Variants in PXDNL observed in about 807,000 individuals in gnomAD.
PXDNL encodes the protein peroxidasin like.
Under a neutral mutation model 150.8 loss-of-function variants are expected in PXDNL, and 145 were observed. The ratio of observed to expected loss-of-function variants is 0.96; its 90% CI spans 0.84 to 1.10. The LOEUF is 1.10. Ranked by LOEUF, PXDNL falls within the 50% of genes least tolerant of loss-of-function variation. PXDNL has a pLI of 0.00. For missense variants in PXDNL, 2,087 were observed against 1,873.9 expected (o/e 1.11, Z -2.10); for synonymous variants, 757 against 725.7 (o/e 1.04, Z -0.69).
chr8:51,358,730 C>T (rs946709688), intron 19 of PXDNL, among the ~76,000 whole-genome samples: 9 of 152,130 alleles, frequency 5.9e-5, no homozygotes, highest in Non-Finnish European at 1.2e-4. Flanking sequence ...AAGATGAGCA[C>T]CCCAAAGATG....
chr8:51,669,486 A>G (rs1585662129), intron 1 of PXDNL, among the ~76,000 whole-genome samples: 1 of 151,496 alleles, frequency 6.6e-6, no homozygotes, highest in South Asian at 2.1e-4. Context: ...AACATTTCCA[A>G]CCTCCCAGCC....
At chr8:51,532,960 G>T (rs561102864) in intron 4 of PXDNL, among the ~76,000 whole-genome samples, 32 of 151,634 alleles carry the variant, frequency 2.1e-4, no homozygotes, top group Non-Finnish European at 4.1e-4. Flanking sequence ...GAAATTGAAT[G>T]CAATTCTAAT....
intron 4 of PXDNL, among the ~76,000 whole-genome samples, chr8:51,551,829 C>T (rs1812493295): frequency 6.6e-6 from 1 of 152,100 alleles, no homozygotes; most frequent in Admixed American, 6.5e-5. Flanking sequence ...ATAGATGGGA[C>T]TTAATTAAAC....
chr8:51,632,906 T>C (rs1814521481), intron 2 of PXDNL, among the ~76,000 whole-genome samples: 1 of 152,156 alleles, frequency 6.6e-6, no homozygotes, highest in Non-Finnish European at 1.5e-5. Flanking sequence ...AGATTTTCTG[T>C]TATTTTAGAT....
In PXDNL at chr8:51,457,502, A is replaced by G; in HGVS notation, c.978T>C (p.Leu326=). The change falls in exon 9 of 23, where the codon CTT becomes CTC. Residue 326 remains leucine (L), a synonymous_variant. Coordinates refer to ENST00000356297, the MANE Select transcript of PXDNL (RefSeq NM_144651.5). ...TQSAMLRYSS[L]PAKPSFVIQP... ...ACTAGAAAATAATAGTTTTACCTGGAAGACTGGAGTATCTGAGCATGGCAC... is the reference window on the plus strand; with the variant it reads ...ACTAGAAAATAATAGTTTTACCTGGGAGACTGGAGTATCTGAGCATGGCAC... 1 of 1,604,914 alleles carries G rather than the reference A, an allele frequency of 6.2e-7. No homozygotes were observed. Among genetic ancestry groups the G allele is most frequent in the Non-Finnish European group, 8.5e-7 (1 of 1,176,662 alleles).
chr8:51,462,716 GA>G (rs894127040), intron 8 of PXDNL, among the ~76,000 whole-genome samples: 103 of 152,162 alleles, frequency 6.8e-4, no homozygotes, highest in African/African-American at 2.3e-3. Context: ...AAACAACTGG[GA>G]AAACATATCT....
intron 5 of PXDNL, among the ~76,000 whole-genome samples, chr8:51,495,466 C>G (rs535351458): frequency 9.7e-4 from 148 of 152,098 alleles, no homozygotes; most frequent in African/African-American, 3.5e-3. Flanking sequence ...CACAAAAAAC[C>G]CTTCAAAAAA....
intron 15 of PXDNL, 136 bp downstream of exon 15, chr8:51,413,014 A>G (rs985397791): frequency 3.3e-6 from 2 of 602,820 alleles, no homozygotes; most frequent in Non-Finnish European, 5.9e-6. Flanking sequence ...TGGCTAGCCC[A>G]GATGGGGATG....
In PXDNL at chr8:51,400,918, G is replaced by T. The variant is rs114291620; in HGVS notation, c.3557+7149C>A. Among the ~76,000 whole-genome samples, 948 of 152,260 alleles carry T rather than the reference G, an allele frequency of 6.2e-3. 8 individuals carry two copies. The highest frequency in any genetic ancestry group is 0.021 in the African/African-American group (875 of 41,540). On this transcript the variant is annotated intron_variant, in intron 17 of 22. Coordinates refer to ENST00000356297, the MANE Select transcript of PXDNL (RefSeq NM_144651.5). ...TAAGAAAATTTGTCTTGTCAAAGGT[G>T]TTCAAGCAAAGAATAATTTTCAAAT...
intron 1 of PXDNL, among the ~76,000 whole-genome samples, chr8:51,769,045 C>T (rs553683521): frequency 7.9e-5 from 12 of 152,266 alleles, no homozygotes; most frequent in Middle Eastern, 6.8e-3. Context: ...GAGCTTGCAG[C>T]GAGCTGAGTT....
At chr8:51,460,442 A>C (rs926488723) in intron 8 of PXDNL, among the ~76,000 whole-genome samples, 1 of 139,450 alleles carries the variant, frequency 7.2e-6, no homozygotes, top group Non-Finnish European at 1.6e-5. Flanking sequence ...AAGACAGCCA[A>C]CTAGATGCAG....
intron 1 of PXDNL, among the ~76,000 whole-genome samples, chr8:51,752,020 C>CT (rs1246368967): frequency 6.6e-6 from 1 of 152,176 alleles, no homozygotes; most frequent in Admixed American, 6.5e-5. Context: ...GAAATTATCG[C>CT]TAGACCAACT....
chr8:51,350,720 C>A (rs1236785969), intron 19 of PXDNL, among the ~76,000 whole-genome samples: 1 of 152,106 alleles, frequency 6.6e-6, no homozygotes, highest in African/African-American at 2.4e-5. Flanking sequence ...GAAAAGGGAG[C>A]AGGAACCGCC....
intron 7 of PXDNL, among the ~76,000 whole-genome samples, chr8:51,474,749 C>G (rs1810432430): frequency 6.6e-6 from 1 of 152,180 alleles, no homozygotes; most frequent in African/African-American, 2.4e-5. Context: ...TAGATTAAAT[C>G]TTCCTCAAAG....
chr8:51,704,003 G>A (rs1030878543), intron 1 of PXDNL, among the ~76,000 whole-genome samples: 2 of 152,070 alleles, frequency 1.3e-5, no homozygotes, highest in Admixed American at 6.6e-5. Flanking sequence ...CAAAACCAAC[G>A]TACTACAAAT....
intron 4 of PXDNL, among the ~76,000 whole-genome samples, chr8:51,521,066 C>T (rs1348046880): frequency 1.3e-5 from 2 of 151,930 alleles, no homozygotes; most frequent in Non-Finnish European, 2.9e-5. Context: ...ATAGCATGAC[C>T]CCGTTTCTGC....
chr8:51,352,756 G>A (rs912169606), intron 19 of PXDNL, among the ~76,000 whole-genome samples: 2 of 152,126 alleles, frequency 1.3e-5, no homozygotes, highest in African/African-American at 2.4e-5. Context: ...CTAATACAAT[G>A]GAATAATACT....
chr8:51,807,607 C>A (rs974235839), intron 1 of PXDNL, among the ~76,000 whole-genome samples: 2 of 152,092 alleles, frequency 1.3e-5, no homozygotes, highest in Non-Finnish European at 2.9e-5. Flanking sequence ...GTGGTGGCAC[C>A]AGACTCCCAG....
At chr8:51,627,870 G>A (rs1049872146) in intron 2 of PXDNL, among the ~76,000 whole-genome samples, 3 of 152,084 alleles carry the variant, frequency 2.0e-5, no homozygotes, top group Non-Finnish European at 2.9e-5. Flanking sequence ...TTGTCCATTC[G>A]AACCTGTCTG....
Sources: allele counts gnomAD v4.1 joint callset (sites outside exome capture counted in the v4.1 genomes callset), GRCh38; gene constraint gnomAD v4.1.1; transcripts MANE v1.5; gene names NCBI Gene and HGNC (gene_info 2026-07-23, HGNC 2026-07-21).